DACT1: variants seen among roughly 807,000 people sequenced by gnomAD.
The protein encoded by DACT1 is dishevelled binding antagonist of beta catenin 1, also known as dapper homolog 1.
In DACT1, 19 loss-of-function variants were observed where a neutral mutation model predicts 35.3. That is an observed-to-expected ratio of 0.54 (90% CI 0.38 to 0.79). DACT1 has a LOEUF of 0.79. DACT1 is among the 30% of genes least tolerant of loss of function. The pLI, the probability that DACT1 is intolerant of heterozygous loss-of-function variation, is 0.00. For synonymous variants in DACT1, 545 were observed against 466.7 expected, an observed-to-expected ratio of 1.17 and a Z score of -2.16; for missense variants, 1,143 against 1,057.5, an observed-to-expected ratio of 1.08 and a Z score of -1.12.
At chr14:58,636,637 G>T (rs1457766652), upstream of DACT1, among the ~76,000 whole-genome samples, 1 of 152,032 alleles carries the variant, frequency 6.6e-6, no homozygotes, top group East Asian at 1.9e-4. Context: ...TCCTAGCACG[G>T]GTAAGCAGAT....
upstream of DACT1, among the ~76,000 whole-genome samples, chr14:58,636,876 T>G (rs2047575773): frequency 6.6e-6 from 1 of 151,560 alleles, no homozygotes; most frequent in African/African-American, 2.4e-5. Flanking sequence ...AGTAGTGTGT[T>G]CCAAGCAGAG....
chr14:58,635,940 G>A (rs1217777830), upstream of DACT1, among the ~76,000 whole-genome samples: 2 of 152,202 alleles, frequency 1.3e-5, no homozygotes, highest in African/African-American at 2.4e-5. Context: ...GGACATGGGT[G>A]AGTGGCATTT....
chr14:58,645,185 A>G (rs2047660986), intron 3 of DACT1, 184 bp from the exon 4 acceptor site: 2 of 1,210,702 alleles, frequency 1.7e-6, no homozygotes, highest in Admixed American at 4.6e-5. Context: ...GATTTTTCAT[A>G]AAAATTGGCC....
At chr14:58,645,276 AATAT>A in intron 3 of DACT1, 89 bp from the exon 4 acceptor site, 7 of 1,613,986 alleles carry the variant, frequency 4.3e-6, no homozygotes, top group Non-Finnish European at 5.9e-6. Context: ...GGATTGTTGG[AATAT>A]AAAGAAGGCC....
At chr14:58,641,533 G>A in intron 2 of DACT1, 59 bp from the exon 3 acceptor site, 2 of 1,521,832 alleles carry the variant, frequency 1.3e-6, no homozygotes, top group South Asian at 2.4e-5. Context: ...TTCCTGTTAA[G>A]CGTGAATATG....
chr14:58,646,775 G>T lies in DACT1; in HGVS notation c.2041G>T (p.Ala681Ser), dbSNP rs147227144. 1 of 1,614,130 alleles carries T rather than the reference G, an allele frequency of 6.2e-7. No homozygotes were observed. The highest frequency in any genetic ancestry group is 1.1e-5 in the South Asian group (1 of 91,088). ...PVPLPYASPYAYVASDSEYSA... is the reference protein window; with the variant it reads ...PVPLPYASPYSYVASDSEYSA... ...GCCTCTGCCCTACGCCAGCCCCTAC[G>T]CCTACGTGGCTAGCGACTCCGAGTA... Residue 681 changes from alanine (A) to serine (S), a missense_variant, in exon 4 of 4, where the codon GCC becomes TCC. Physicochemically the swap from Ala to Ser is moderately conservative, Grantham distance 99. Around this residue, in one of 3 missense-constraint regions of DACT1, gnomAD observed 1,054 missense variants for 958.8 expected, o/e 1.10. Transcript: ENST00000395153.
At chr14:58,638,697 C>A in intron 1 of DACT1, 150 bp downstream of exon 1, 1 of 1,196,160 alleles carries the variant, frequency 8.4e-7, no homozygotes, top group East Asian at 3.2e-5. Context: ...TCCCTGATCC[C>A]CTTCCTGAGT....
rs774243482 is a variant in DACT1, at chr14:58,646,502, GCCT to G, written c.1774_1776del (p.Ser592del). On this transcript the variant is annotated inframe_deletion, in exon 4 of 4. Transcript: ENST00000395153. ...GGATACAAATAAGAAACTCAAGAAA[GCCT>G]CCTCCAAGGGGAGGAAGAGTGGGGG... 3.8e-6 allele frequency: 6 copies of G among 1,560,776 alleles called. No individual in the cohort carries two copies. Among genetic ancestry groups the G allele is most frequent in the African/African-American group, 2.8e-5 (2 of 72,316 alleles).
chr14:58,646,046 C>T lies in DACT1; in HGVS notation c.1312C>T (p.Pro438Ser), dbSNP rs775419126. ...RCSAIGTGES[P>S]KESAQLSGAS... is the part of the protein sequence containing the mutation. Reference sequence around the variant, plus strand: ...TTCCGCCATTGGGACAGGGGAGTCCCCTAAGGAAAGCGCTCAGCTCTCAGG... The same window carrying T: ...TTCCGCCATTGGGACAGGGGAGTCCTCTAAGGAAAGCGCTCAGCTCTCAGG... Residue 438 changes from proline (P) to serine (S), a missense_variant, in exon 4 of 4, where the codon CCT becomes TCT. By Grantham distance (74) the Pro-to-Ser change is moderately conservative. Transcript: ENST00000395153. 2.5e-6 allele frequency: 4 copies of T among 1,614,048 alleles called. No individual in the cohort carries two copies. The highest frequency in any genetic ancestry group is 2.2e-5 in the East Asian group (1 of 44,880).
At chr14:58,634,759 T>A (rs2047563452), upstream of DACT1, among the ~76,000 whole-genome samples, 1 of 152,358 alleles carries the variant, frequency 6.6e-6, no homozygotes, top group Middle Eastern at 3.4e-3. Context: ...CAATAGAATG[T>A]TCACCGCTGG....
intron 3 of DACT1, among the ~76,000 whole-genome samples, chr14:58,643,603 CT>C (rs1248937376): frequency 6.6e-6 from 1 of 152,174 alleles, no homozygotes. Flanking sequence ...CAGAGGGAAA[CT>C]TTATAAACCC....
chr14:58,636,923 T>C (rs529908750), upstream of DACT1, among the ~76,000 whole-genome samples: 5 of 152,210 alleles, frequency 3.3e-5, no homozygotes, highest in Admixed American at 2.0e-4. Flanking sequence ...GGAAGACTTA[T>C]AAATCCCTCT....
chr14:58,639,178 A>C (rs2047604639), intron 1 of DACT1: 1 of 985,266 alleles, frequency 1.0e-6, no homozygotes, highest in Admixed American at 6.2e-5. Context: ...ATTTGGCTGG[A>C]GACTGTGTCC....
In DACT1 at chr14:58,646,770, C is replaced by T; in HGVS notation, c.2036C>T (p.Pro679Leu). ...CCTGTGCCTCTGCCCTACGCCAGCC[C>T]CTACGCCTACGTGGCTAGCGACTCC... is the stretch of plus-strand genomic sequence containing the variant. ...PAPVPLPYAS[P>L]YAYVASDSEY... is the part of the protein sequence containing the mutation. Residue 679 changes from proline to leucine, a missense_variant, in exon 4 of 4, where the codon CCC (proline) becomes CTC (leucine). Pro to Leu is a moderately conservative substitution (Grantham distance 98). Transcript: ENST00000395153. 1 of 1,614,140 alleles carries T rather than the reference C, an allele frequency of 6.2e-7. No homozygotes were observed. The highest frequency in any genetic ancestry group is 8.5e-7 in the Non-Finnish European group (1 of 1,180,032).
chr14:58,637,438 C>G (rs1054565492), upstream of DACT1, among the ~76,000 whole-genome samples: 1 of 152,262 alleles, frequency 6.6e-6, no homozygotes, highest in South Asian at 2.1e-4. Flanking sequence ...AAGGAACCAA[C>G]CCCACAGTGT....
At chr14:58,645,287 G>A in intron 3 of DACT1, 82 bp from the exon 4 acceptor site, 1 of 1,614,058 alleles carries the variant, frequency 6.2e-7, no homozygotes. Flanking sequence ...ATATAAAGAA[G>A]GCCACTGTGA....
chr14:58,636,856 A>G (rs2047575527), upstream of DACT1, among the ~76,000 whole-genome samples: 1 of 151,852 alleles, frequency 6.6e-6, no homozygotes, highest in Non-Finnish European at 1.5e-5. Flanking sequence ...TCAGTGGGAT[A>G]GGGGTCTGGA....
At chr14:58,645,264 T>C in intron 3 of DACT1, 105 bp from the exon 4 acceptor site, 1 of 1,613,628 alleles carries the variant, frequency 6.2e-7, no homozygotes, top group South Asian at 1.1e-5. Context: ...TCAGATCTCA[T>C]AGGATTGTTG....
rs951118453 is a variant in DACT1 at position 58,645,847 on chromosome 14, G to T, written c.1113G>T (p.Leu371=). The change falls in exon 4 of 4, where the codon CTG becomes CTT. Residue 371 remains leucine (L), a synonymous_variant. Transcript: ENST00000395153. ...TGCCCTCTGGCGGGATACCTTCTCT[G>T]AACAATGGGACATTCTCCCCACCGA... ...ACLPSGGIPS[L]NNGTFSPPKQ... The T allele has an allele frequency of 1.2e-6, 2 of 1,614,126 alleles. No individual in the cohort carries two copies.
Sources: gnomAD v4.1 joint callset for allele counts (sites outside exome capture counted in the v4.1 genomes callset) on GRCh38, gnomAD v4.1.1 for gene constraint, gnomAD v4.1.1 regional missense constraint, MANE v1.5 for transcripts, NCBI Gene and HGNC (gene_info 2026-07-23, HGNC 2026-07-21) for gene names.